The following CEP152 variants were observed in gnomAD, a reference collection of about 807,000 sequenced individuals.
CEP152 encodes centrosomal protein 152, also known as centrosomal protein of 152 kDa.
Under a neutral mutation model 188.9 loss-of-function variants are expected in CEP152, and 132 were observed. That is an observed-to-expected ratio of 0.70 (90% CI 0.61 to 0.81). The LOEUF (loss-of-function observed/expected upper bound fraction) is 0.81, where lower values mean the gene tolerates loss of function less well. Among genes scored for constraint, CEP152 ranks in the 30% least tolerant of loss-of-function variants. The pLI is 0.00. For missense variants in CEP152, 1,914 were observed against 1,969.8 expected (o/e 0.97, Z 0.54); for synonymous variants, 649 against 666.6 (o/e 0.97, Z 0.41).
chr15:48,742,089 G>A lies in CEP152; in HGVS notation c.3847C>T (p.Arg1283Cys), dbSNP rs753625578. The change falls in exon 25 of 27, where the codon CGT (arginine) becomes TGT (cysteine). Residue 1283 changes from arginine (R) to cysteine (C), a missense_variant. By Grantham distance (180) the Arg-to-Cys change is radical (BLOSUM62 -3). Transcript: ENST00000380950. ...AVKKIKCDMLRYIQESKERAA... is the reference protein window; with the variant it reads ...AVKKIKCDMLCYIQESKERAA... ...CGTTCCTTACTCTCCTGAATATAAC[G>A]AAGCATGTCACCTATAGGGAAGTGA... 7.4e-6 allele frequency: 12 copies of A among 1,613,822 alleles called. No individual in the cohort carries two copies. The highest frequency in any genetic ancestry group is 6.7e-5 in the African/African-American group (5 of 74,870).
chr15:48,758,661 G>A (rs1326981446), intron 19 of CEP152, among the ~76,000 whole-genome samples: 3 of 144,456 alleles, frequency 2.1e-5, no homozygotes, highest in Non-Finnish European at 4.5e-5. Flanking sequence ...AGAGGTTGCA[G>A]TGAGCTGAGA....
At chr15:48,783,100 T>C (rs760908635) in intron 10 of CEP152, 3 of 152,224 alleles carry the variant, frequency 2.0e-5, no homozygotes, top group Non-Finnish European at 2.9e-5. Flanking sequence ...GTGACTTTCA[T>C]ATATCAGTTA....
chr15:48,757,096 G>C (rs1433101151), intron 19 of CEP152, among the ~76,000 whole-genome samples: 2 of 152,042 alleles, frequency 1.3e-5, no homozygotes, highest in African/African-American at 2.4e-5. Context: ...CAGAATAATA[G>C]AACTAGTGGA....
chr15:48,741,946 C>T lies in CEP152; in HGVS notation c.3989+1G>A. 1 of 1,614,132 alleles carries T rather than the reference C, an allele frequency of 6.2e-7. No homozygotes were observed. Among genetic ancestry groups the T allele is most frequent in the Non-Finnish European group, 8.5e-7 (1 of 1,180,008 alleles). On this transcript the variant is annotated splice_donor_variant, in intron 25 of 26. Coordinates refer to ENST00000380950, the MANE Select transcript of CEP152 (RefSeq NM_001194998.2). LOFTEE classifies it high-confidence loss of function. ...GGACACATTGTTCAGACTGAACTCA[C>T]CCTTCTTTTCCATCATCCTGCAAAA...
In CEP152 at chr15:48,768,287, T is replaced by C; in HGVS notation, c.1950A>G (p.Gln650=). Residue 650 remains glutamine, a synonymous_variant, in exon 15 of 27, where the codon CAA becomes CAG. Transcript: ENST00000380950. ...ETEGKLRNTN[Q]DLCNQMRQMV... ...TTTGTCTCATTTGATTACATAAGTCTTGATTTGTATTTCTCAGTTTTCCTT... is the reference window on the plus strand; with the variant it reads ...TTTGTCTCATTTGATTACATAAGTCCTGATTTGTATTTCTCAGTTTTCCTT... 1.9e-6 allele frequency: 3 copies of C among 1,611,198 alleles called. No homozygotes were observed. Among genetic ancestry groups the C allele is most frequent in the Non-Finnish European group, 2.5e-6 (3 of 1,177,368 alleles).
At chr15:48,766,369 G>C (rs1895093371) in intron 17 of CEP152, among the ~76,000 whole-genome samples, 1 of 152,182 alleles carries the variant, frequency 6.6e-6, no homozygotes, top group Non-Finnish European at 1.5e-5. Context: ...AAAGTGTGAA[G>C]GACAGTCAGG....
intron 7 of CEP152, among the ~76,000 whole-genome samples, chr15:48,792,286 G>A (rs901151801): frequency 1.3e-5 from 2 of 152,132 alleles, no homozygotes; most frequent in East Asian, 1.9e-4. Context: ...CACCGTGCCC[G>A]ACCCACTTGG....
chr15:48,790,863 C>A (rs762309742), intron 8 of CEP152, among the ~76,000 whole-genome samples: 1 of 152,140 alleles, frequency 6.6e-6, no homozygotes, highest in Non-Finnish European at 1.5e-5. Flanking sequence ...CCACTGCATC[C>A]GGCCATCACT....
Position 48,762,503 on chromosome 15 carries a change from T to C in CEP152, c.2450A>G (p.Lys817Arg), listed in dbSNP as rs768500159. The C allele has an allele frequency of 3.7e-6, 6 of 1,614,000 alleles. No individual in the cohort carries two copies. Among genetic ancestry groups the C allele is most frequent in the African/African-American group, 1.3e-5 (1 of 74,934 alleles). Residue 817 changes from lysine (K) to arginine (R), a missense_variant, in exon 18 of 27, where the codon AAG (lysine) becomes AGG (arginine). By Grantham distance (26) the Lys-to-Arg change is conservative (BLOSUM62 2). Transcript: ENST00000380950. Reference protein sequence around the residue: ...KEMAIMIEEQKCTIQQNLEQE... With the variant: ...KEMAIMIEEQRCTIQQNLEQE... ...TTCTAAGTTTTGCTGGATTGTGCAC[T>C]TCTGCTCTTCTATCATAATTGCCAT...
chr15:48,745,509 C>T (rs556416797), intron 22 of CEP152, among the ~76,000 whole-genome samples: 13 of 151,906 alleles, frequency 8.6e-5, no homozygotes, highest in East Asian at 1.9e-4. Context: ...TGTGTGCAGG[C>T]GGGCTGAGTC....
chr15:48,768,280 A>G lies in CEP152; in HGVS notation c.1957T>C (p.Cys653Arg), dbSNP rs758909098. The G allele has an allele frequency of 2.4e-5, 39 of 1,612,062 alleles. No homozygotes were observed. Among genetic ancestry groups the G allele is most frequent in the Non-Finnish European group, 2.9e-5 (34 of 1,178,246 alleles). Reference sequence around the variant, plus strand: ...TGTACCATTTGTCTCATTTGATTACATAAGTCTTGATTTGTATTTCTCAGT... The same window carrying G: ...TGTACCATTTGTCTCATTTGATTACGTAAGTCTTGATTTGTATTTCTCAGT... ...GKLRNTNQDL[C>R]NQMRQMVQDF... The change falls in exon 15 of 27, where the codon TGT becomes CGT. Residue 653 changes from cysteine (C) to arginine (R), a missense_variant. Cys to Arg is a radical substitution (Grantham distance 180). Transcript: ENST00000380950.
At chr15:48,807,938 TTAA>T (rs1389420752) in intron 1 of CEP152, among the ~76,000 whole-genome samples, 1 of 152,136 alleles carries the variant, frequency 6.6e-6, no homozygotes, top group Admixed American at 6.5e-5. Context: ...GTATATATCT[TTAA>T]TGTTATTTTA....
At chr15:48,784,242 C>T in intron 9 of CEP152, 122 bp from the exon 10 acceptor site, 1 of 946,538 alleles carries the variant, frequency 1.1e-6, no homozygotes, top group South Asian at 1.6e-5. Flanking sequence ...GGGAGCATCA[C>T]CTCTTTTACA....
chr15:48,751,826 C>A (rs1454587161), intron 21 of CEP152, among the ~76,000 whole-genome samples: 1 of 152,140 alleles, frequency 6.6e-6, no homozygotes. Context: ...TATAAGAATT[C>A]TTTTGTCATG....
chr15:48,748,447 A>G lies in CEP152; in HGVS notation c.3630T>C (p.Ile1210=). Residue 1210 remains isoleucine (I), a synonymous_variant, in exon 22 of 27, where the codon ATT becomes ATC. Transcript: ENST00000380950. ...ERKHKAVVEK[I]GEENNKVVEE... is the part of the protein sequence containing the mutation. ...AGTGCTACTTTAAATGCTAACCTCC[A>G]ATTTTTTCCACTACAGCTTTGTGCT... The G allele has an allele frequency of 6.5e-7, 1 of 1,528,912 alleles. No homozygotes were observed. The highest frequency in any genetic ancestry group is 1.2e-5 in the South Asian group (1 of 82,324). The allele number at this position is 1,528,912 out of a possible 1,614,324, so 94.7% of individuals were successfully genotyped here.
Position 48,741,719 on chromosome 15 carries a change from A to G in CEP152, c.3990-15T>C, listed in dbSNP as rs1426894393. 8 of 1,613,804 alleles carry G rather than the reference A, an allele frequency of 5.0e-6. No individual in the cohort carries two copies. Among genetic ancestry groups the G allele is most frequent in the Admixed American group, 1.7e-5 (1 of 59,996 alleles). On this transcript the variant is annotated splice_polypyrimidine_tract_variant and intron_variant, in intron 25 of 26. Coordinates refer to ENST00000380950, the MANE Select transcript of CEP152 (RefSeq NM_001194998.2). ...TTTTCTCAGCCCTGTGGGGAATTCC[A>G]GAATATTAAAAATATAGTTTAAAGG...
chr15:48,738,850 G>A lies in CEP152; in HGVS notation c.4532C>T (p.Thr1511Ile). Residue 1511 changes from threonine to isoleucine, a missense_variant, in exon 27 of 27, where the codon ACC becomes ATC. Coordinates refer to ENST00000380950, the MANE Select transcript of CEP152 (RefSeq NM_001194998.2). ...TLGNKPSPRC[T>I]PGPSESGCMH... The stretch of plus-strand genomic sequence containing the variant: ...GCATCCTGATTCAGAAGGACCAGGG[G>A]TACATCTAGGTGAGGGTTTATTTCC... 2 of 1,614,190 alleles carry A rather than the reference G, an allele frequency of 1.2e-6. No individual in the cohort carries two copies. Among genetic ancestry groups the A allele is most frequent in the South Asian group, 1.1e-5 (1 of 91,082 alleles).
At chr15:48,750,877 T>G (rs539262114) in intron 21 of CEP152, among the ~76,000 whole-genome samples, 7 of 152,146 alleles carry the variant, frequency 4.6e-5, no homozygotes, top group African/African-American at 7.2e-5. Context: ...TAGCTCAGAC[T>G]GGGGAGAGGT....
rs942383766 is a variant in CEP152, at chr15:48,765,699, G to C, written c.2280+1361C>G. 13 of 365,894 alleles carry C rather than the reference G, an allele frequency of 3.6e-5. No individual in the cohort carries two copies. The Admixed American group carries it at 3.6e-4, about 10-fold the overall frequency. The allele number at this position is 365,894 out of a possible 1,614,324, so 22.7% of individuals were successfully genotyped here. On this transcript the variant is annotated intron_variant, in intron 17 of 26. Transcript: ENST00000380950. ...GACGGAGTTTCGCTCTGTCGCCCAG[G>C]CTGGAGTGCAGTGGCGCAATCTCGA...
Sources: allele counts gnomAD v4.1 joint callset (sites outside exome capture counted in the v4.1 genomes callset), GRCh38; gene constraint gnomAD v4.1.1; transcripts MANE v1.5; gene names NCBI Gene and HGNC (gene_info 2026-07-23, HGNC 2026-07-21).